ANK3: variants seen among roughly 807,000 people sequenced by gnomAD.
The protein encoded by ANK3 is ankyrin-3.
In ANK3, 57 loss-of-function variants were observed where a neutral mutation model predicts 370.9. That is an observed-to-expected ratio of 0.15 (90% confidence interval 0.12 to 0.19). The LOEUF is 0.19. ANK3 is among the 10% of genes least tolerant of loss of function. ANK3 has a pLI of 1.00. For missense variants in ANK3, 4,439 were observed against 5,302.1 expected, an observed-to-expected ratio of 0.84 and a Z score of 5.06; for synonymous variants, 1,929 against 1,946.3, an observed-to-expected ratio of 0.99 and a Z score of 0.23.
rs777570818 is a variant in ANK3, at chr10:60,733,307, C to A, written c.13G>T (p.Ala5Ser). 26 of 1,235,916 alleles carry A rather than the reference C, an allele frequency of 2.1e-5. No individual in the cohort carries two copies. The highest frequency in any genetic ancestry group is 2.5e-5 in the Non-Finnish European group (25 of 991,068). The allele number at this position is 1,235,916 out of a possible 1,614,324, so 76.6% of individuals were successfully genotyped here. A position where few individuals can be genotyped will look rare whatever the true frequency, so the allele number is the denominator to read the frequency against. ...TCGGTGCCCGCGGGAGAGGAGGAGG[C>A]GGAGGAGGCCATGTTGTGGGGCTGC... is the stretch of plus-strand genomic sequence containing the variant. Residue 5 changes from alanine to serine, a missense_variant, in exon 1 of 44, where the codon GCC becomes TCC. Physicochemically the swap from Ala to Ser is moderately conservative, Grantham distance 99. Transcript: ENST00000373827.
chr10:60,484,816 G>A (rs1388150741), intron 2 of ANK3, among the ~76,000 whole-genome samples: 1 of 151,952 alleles, frequency 6.6e-6, no homozygotes, highest in Non-Finnish European at 1.5e-5. Flanking sequence ...TTATGATATG[G>A]TTTATATTTA....
chr10:60,485,786 G>A (rs1366537047), intron 2 of ANK3, among the ~76,000 whole-genome samples: 5 of 152,138 alleles, frequency 3.3e-5, no homozygotes, highest in Non-Finnish European at 7.3e-5. Context: ...AACATAGGAT[G>A]GCTTGGAAAA....
chr10:60,552,510 C>T (rs1032948069), intron 2 of ANK3, among the ~76,000 whole-genome samples: 1 of 152,090 alleles, frequency 6.6e-6, no homozygotes, highest in Non-Finnish European at 1.5e-5. Flanking sequence ...ATCTTGGACA[C>T]CTTGTGAATT....
chr10:60,051,415 C>T (rs1272102164), intron 42 of ANK3: 1 of 799,396 alleles, frequency 1.3e-6, no homozygotes, highest in African/African-American at 1.9e-5. Context: ...TTTCTACAAC[C>T]ACAAGGAAGG....
chr10:60,428,791 A>T (rs1178104401), intron 2 of ANK3, among the ~76,000 whole-genome samples: 1 of 152,178 alleles, frequency 6.6e-6, no homozygotes, highest in Admixed American at 6.5e-5. Context: ...TGGGGACCAC[A>T]TCTACTTGTA....
At chr10:60,507,068 A>T (rs1183308546) in intron 2 of ANK3, among the ~76,000 whole-genome samples, 1 of 152,080 alleles carries the variant, frequency 6.6e-6, no homozygotes, top group Non-Finnish European at 1.5e-5. Context: ...GTTTAAGATG[A>T]TGGATATGCT....
intron 2 of ANK3, among the ~76,000 whole-genome samples, chr10:60,479,720 G>C (rs2075162483): frequency 6.6e-6 from 1 of 151,440 alleles, no homozygotes; most frequent in Non-Finnish European, 1.5e-5. Flanking sequence ...TAGGCTGGTA[G>C]CATATAAAGA....
chr10:60,397,296 G>A (rs559655367), intron 2 of ANK3, among the ~76,000 whole-genome samples: 2 of 151,486 alleles, frequency 1.3e-5, no homozygotes, highest in South Asian at 4.2e-4. Context: ...TTAGCATATT[G>A]TGGAACATAT....
At chr10:60,236,055 T>C (rs1410979797) in intron 7 of ANK3, among the ~76,000 whole-genome samples, 2 of 152,118 alleles carry the variant, frequency 1.3e-5, no homozygotes, top group African/African-American at 4.8e-5. Flanking sequence ...TACACAAAGT[T>C]TGGGCAAAAA....
intron 1 of ANK3, among the ~76,000 whole-genome samples, chr10:60,357,486 C>A (rs1435287776): frequency 6.6e-6 from 1 of 152,132 alleles, no homozygotes; most frequent in Admixed American, 6.5e-5. Flanking sequence ...CCTCTGTAAT[C>A]ACTTCCTTTA....
At chr10:60,362,806 G>A (rs1405451296) in intron 1 of ANK3, among the ~76,000 whole-genome samples, 4 of 151,994 alleles carry the variant, frequency 2.6e-5, no homozygotes, top group South Asian at 2.1e-4. Flanking sequence ...TGGAGCCCTC[G>A]CCCAGAGAGC....
At chr10:60,426,932 G>T (rs1041922998) in intron 2 of ANK3, among the ~76,000 whole-genome samples, 1 of 152,098 alleles carries the variant, frequency 6.6e-6, no homozygotes, top group African/African-American at 2.4e-5. Context: ...TTTCCAGTGA[G>T]ACTCAATGGC....
At chr10:60,465,482 C>T (rs958278526) in intron 2 of ANK3, among the ~76,000 whole-genome samples, 15 of 152,292 alleles carry the variant, frequency 9.8e-5, no homozygotes, top group African/African-American at 3.1e-4. Context: ...GATCAGTCAT[C>T]ATGTCTGTAT....
At chr10:60,644,308 C>G (rs1306730869) in intron 1 of ANK3, among the ~76,000 whole-genome samples, 1 of 152,074 alleles carries the variant, frequency 6.6e-6, no homozygotes, top group Admixed American at 6.5e-5. Flanking sequence ...AAGGTAGATT[C>G]CACTAATTAT....
intron 25 of ANK3, among the ~76,000 whole-genome samples, chr10:60,125,663 C>A (rs2093719557): frequency 1.3e-5 from 2 of 152,168 alleles, no homozygotes; most frequent in South Asian, 2.1e-4. Flanking sequence ...CAAGGTTAAT[C>A]TGCCGACGGG....
At chr10:60,589,735 AT>A (rs1156964760) in intron 2 of ANK3, among the ~76,000 whole-genome samples, 1 of 152,206 alleles carries the variant, frequency 6.6e-6, no homozygotes, top group East Asian at 1.9e-4. Flanking sequence ...CCTTTCAACA[AT>A]TTTCATTCTG....
chr10:60,298,819 G>C (rs2043074255), intron 1 of ANK3, among the ~76,000 whole-genome samples: 1 of 152,092 alleles, frequency 6.6e-6, no homozygotes, highest in South Asian at 2.1e-4. Context: ...CATTCTTTAA[G>C]ACTCGTTACA....
At chr10:60,122,029 G>C (rs553284469) in intron 25 of ANK3, among the ~76,000 whole-genome samples, 43 of 152,332 alleles carry the variant, frequency 2.8e-4, no homozygotes, top group African/African-American at 1.0e-3. Context: ...GCAAGGAGGG[G>C]TGTTGCCTGG....
chr10:60,584,585 C>A (rs902274177), intron 2 of ANK3, among the ~76,000 whole-genome samples: 1 of 152,042 alleles, frequency 6.6e-6, no homozygotes, highest in Non-Finnish European at 1.5e-5. Flanking sequence ...CCACCATACT[C>A]CAACCTGGGC....
Sources: gnomAD v4.1 joint callset for allele counts (sites outside exome capture counted in the v4.1 genomes callset) on GRCh38, gnomAD v4.1.1 for gene constraint, MANE v1.5 for transcripts, NCBI Gene and HGNC (gene_info 2026-07-23, HGNC 2026-07-21) for gene names.